Variants in SH2D3C observed in about 807,000 individuals in gnomAD.
The protein encoded by SH2D3C is SH2 domain-containing protein 3C.
In SH2D3C, 25 loss-of-function variants were observed where a neutral mutation model predicts 75.2. That is an observed-to-expected ratio of 0.33 (90% CI 0.24 to 0.46). The LOEUF (loss-of-function observed/expected upper bound fraction) is 0.46, where lower values mean the gene tolerates loss of function less well. Among genes scored for constraint, SH2D3C ranks in the 20% least tolerant of loss-of-function variants. The pLI is 1.00. For missense variants in SH2D3C, 933 were observed against 1,165.3 expected, an observed-to-expected ratio of 0.80 and a Z score of 2.90; for synonymous variants, 450 against 473.7, an observed-to-expected ratio of 0.95 and a Z score of 0.65.
Position 127,741,935 on chromosome 9 carries a change from C to A in SH2D3C, c.1941G>T (p.Leu647=), listed in dbSNP as rs1244078713. ...LERFHTMSIM[L]AVDILGCTGS... is the part of the protein sequence containing the mutation. ...CGGTGCAGCCCAGGATGTCCACGGC[C>A]AGCATGATGGACATGGTGTGGAACC... Residue 647 remains leucine (L), a synonymous_variant, in exon 9 of 12, where the codon CTG becomes CTT. Coordinates refer to ENST00000314830, the MANE Select transcript of SH2D3C (RefSeq NM_170600.3). 6.2e-7 allele frequency: 1 copy of A among 1,612,646 alleles called. No homozygotes were observed. The highest frequency in any genetic ancestry group is 2.2e-5 in the East Asian group (1 of 44,872).
intron 6 of SH2D3C, among the ~76,000 whole-genome samples, chr9:127,746,555 C>T (rs1170150734): frequency 6.6e-6 from 1 of 152,202 alleles, no homozygotes; most frequent in Non-Finnish European, 1.5e-5. Context: ...GTAATCCCAG[C>T]ACTTTGGGAG....
rs1379354507 is a variant in SH2D3C, at chr9:127,751,599, G to A, written c.556-299C>T. Among the ~76,000 whole-genome samples, 1 of 152,248 alleles carries A rather than the reference G, an allele frequency of 6.6e-6. No individual in the cohort carries two copies. Among genetic ancestry groups the A allele is most frequent in the Non-Finnish European group, 1.5e-5 (1 of 68,050 alleles). ...AGTCTGAGGAGAGGCAAAAGCAACAGGAGCCTCTGAGTAGAGTGCGGTCAG... is the reference window on the plus strand; with the variant it reads ...AGTCTGAGGAGAGGCAAAAGCAACAAGAGCCTCTGAGTAGAGTGCGGTCAG... On this transcript the variant is annotated intron_variant, in intron 3 of 11. Transcript: ENST00000314830. The surrounding 1 kb of genome is among the most constrained non-coding windows in gnomAD (Gnocchi z 4.1).
At chr9:127,778,042 C>T (rs1202554571) in intron 1 of SH2D3C, among the ~76,000 whole-genome samples, 2 of 151,906 alleles carry the variant, frequency 1.3e-5, no homozygotes, top group Non-Finnish European at 2.9e-5. Context: ...GACTGGAGTG[C>T]AGTGGTGCAA....
At chr9:127,741,996 G>T (rs1325101872) in intron 8 of SH2D3C, 37 bp from the exon 9 acceptor site, 3 of 1,568,680 alleles carry the variant, frequency 1.9e-6, no homozygotes, top group East Asian at 4.6e-5. Context: ...GCGGGCTCGG[G>T]GACAGGGGTG....
Position 127,773,981 on chromosome 9 carries a change from G to T in SH2D3C, c.515+9C>A. 1 of 1,563,096 alleles carries T rather than the reference G, an allele frequency of 6.4e-7. No individual in the cohort carries two copies. The highest frequency in any genetic ancestry group is 8.8e-7 in the Non-Finnish European group (1 of 1,137,648). On this transcript the variant is annotated intron_variant, in intron 2 of 11. Coordinates refer to ENST00000314830, the MANE Select transcript of SH2D3C (RefSeq NM_170600.3). The stretch of plus-strand genomic sequence containing the variant: ...CCCTGCAGGTCCCAACCAGCCCCTG[G>T]GCACCTACCTTTCTGAGTGCACGTC...
intron 3 of SH2D3C, among the ~76,000 whole-genome samples, chr9:127,761,093 G>A (rs1714990874): frequency 6.6e-6 from 1 of 152,110 alleles, no homozygotes; most frequent in Non-Finnish European, 1.5e-5. Flanking sequence ...CACCCGCCTT[G>A]GCATCCCAAA....
intron 9 of SH2D3C, among the ~76,000 whole-genome samples, chr9:127,740,806 G>A (rs538934334): frequency 2.6e-5 from 4 of 152,210 alleles, no homozygotes; most frequent in East Asian, 1.9e-4. Context: ...TCAGCCTGCC[G>A]AGTAGCTGAG....
chr9:127,774,154 C>T lies in SH2D3C; in HGVS notation c.351G>A (p.Leu117=). The T allele has an allele frequency of 1.2e-6, 2 of 1,614,128 alleles. No individual in the cohort carries two copies. The highest frequency in any genetic ancestry group is 1.7e-6 in the Non-Finnish European group (2 of 1,180,010). The change falls in exon 2 of 12, where the codon TTG becomes TTA. Residue 117 remains leucine (L), a synonymous_variant. Transcript: ENST00000314830. This position sits in a 1 kb window ranked among gnomAD's most constrained non-coding sequence, Gnocchi z 4.3. Reference sequence around the variant, plus strand: ...TCACCATCACCTCTTTGGCTGCCTCCAAGCCTGGGGGGTCGGGTACACCTC... The same window carrying T: ...TCACCATCACCTCTTTGGCTGCCTCTAAGCCTGGGGGGTCGGGTACACCTC... ...VPGGVPDPPG[L]EAAKEVMVKA...
At chr9:127,775,493 G>A (rs529707723) in intron 1 of SH2D3C, among the ~76,000 whole-genome samples, 1 of 152,210 alleles carries the variant, frequency 6.6e-6, no homozygotes, top group South Asian at 2.1e-4. Flanking sequence ...AGCTGGGCAT[G>A]GTGCATGCCT....
intron 3 of SH2D3C, chr9:127,755,424 C>A (rs1845353220): frequency 7.5e-6 from 2 of 267,054 alleles, no homozygotes; most frequent in East Asian, 1.3e-4. Flanking sequence ...GTTCCGCGCG[C>A]TCGGGCTGCC....
At chr9:127,770,728 T>C (rs549376774) in intron 2 of SH2D3C, among the ~76,000 whole-genome samples, 29 of 152,350 alleles carry the variant, frequency 1.9e-4, no homozygotes, top group African/African-American at 7.0e-4. Context: ...CCAGAGGCAC[T>C]GTTAGGCCCA....
chr9:127,774,240 G>C lies in SH2D3C; in HGVS notation c.265C>G (p.Gln89Glu). ...TMPRPSIKKA[Q>E]NSQAARQAQE... is the part of the protein sequence containing the mutation. ...GCCTGCCGGGCAGCCTGTGAGTTCT[G>C]TGCTTTCTTGATGCTGGGGCGAGGC... Residue 89 changes from glutamine (Q) to glutamate (E), a missense_variant, in exon 2 of 12, where the codon CAG becomes GAG. Gln to Glu is a conservative substitution (Grantham distance 29). Transcript: ENST00000314830. The surrounding 1 kb of genome is among the most constrained non-coding windows in gnomAD (Gnocchi z 4.3). 1 of 1,614,090 alleles carries C rather than the reference G, an allele frequency of 6.2e-7. No homozygotes were observed. Among genetic ancestry groups the C allele is most frequent in the Non-Finnish European group, 8.5e-7 (1 of 1,180,010 alleles).
chr9:127,738,573 G>T lies in SH2D3C; in HGVS notation c.*173C>A. On this transcript the variant is annotated 3_prime_UTR_variant, in exon 12 of 12. Transcript: ENST00000314830. This position sits in a 1 kb window ranked among gnomAD's most constrained non-coding sequence, Gnocchi z 5.0. ...TGGAGACCTGGTGAGCATGTAGCAGGTGGGATGGAACCCAGAGTCCACGCA... is the reference window on the plus strand; with the variant it reads ...TGGAGACCTGGTGAGCATGTAGCAGTTGGGATGGAACCCAGAGTCCACGCA... 1 of 555,662 alleles carries T rather than the reference G, an allele frequency of 1.8e-6. No homozygotes were observed. The highest frequency in any genetic ancestry group is 3.0e-5 in the South Asian group (1 of 33,224). The allele number at this position is 555,662 out of a possible 1,614,324, so 34.4% of individuals were successfully genotyped here.
intron 3 of SH2D3C, chr9:127,755,044 C>G: frequency 3.7e-6 from 4 of 1,076,184 alleles, no homozygotes; most frequent in Non-Finnish European, 4.6e-6. Context: ...GGTCCCAGCC[C>G]GGCGCGCGTG....
In SH2D3C at chr9:127,774,058, G is replaced by A. The variant is rs761024516; in HGVS notation, c.447C>T (p.Ile149=). ...CTCCTGTGGGGACCTCAGGCTTTCT[G>A]ATGGGGTCTACCTCCACTGCTGAAG... ...PNPSAVEVDP[I]RKPEVPTGDV... is the part of the protein sequence containing the mutation. Residue 149 remains isoleucine, a synonymous_variant, in exon 2 of 12, where the codon ATC becomes ATT. Transcript: ENST00000314830. This position sits in a 1 kb window ranked among gnomAD's most constrained non-coding sequence, Gnocchi z 4.3. 4.3e-6 allele frequency: 7 copies of A among 1,614,188 alleles called. No individual in the cohort carries two copies. The South Asian group carries it at 7.7e-5, about 18-fold the overall frequency.
chr9:127,742,799 G>C (rs748742691), intron 8 of SH2D3C, 50 bp downstream of exon 8: 4 of 1,434,104 alleles, frequency 2.8e-6, no homozygotes, highest in Non-Finnish European at 3.8e-6. Flanking sequence ...AGCGGGGAGT[G>C]CGGTAGCCGG....
chr9:127,740,491 A>G, intron 9 of SH2D3C, 122 bp from the exon 10 acceptor site: 1 of 650,568 alleles, frequency 1.5e-6, no homozygotes, highest in Non-Finnish European at 2.7e-6. Flanking sequence ...TCCTTCATGT[A>G]CCAGGGACAG....
At chr9:127,741,707 TCCATATACAG>T in intron 9 of SH2D3C, 71 bp downstream of exon 9, 1 of 1,485,916 alleles carries the variant, frequency 6.7e-7, no homozygotes, top group Non-Finnish European at 9.0e-7. Flanking sequence ...TCCTCCTGAT[TCCATATACAG>T]CCATCCCAAA....
rs1055080642 is a variant in SH2D3C, at chr9:127,751,579, G to A, written c.556-279C>T. ...CGGCCCTCAAGGCAGTGCCTAGTCT[G>A]AGGAGAGGCAAAAGCAACAGGAGCC... On this transcript the variant is annotated intron_variant, in intron 3 of 11. Coordinates refer to ENST00000314830, the MANE Select transcript of SH2D3C (RefSeq NM_170600.3). This position sits in a 1 kb window ranked among gnomAD's most constrained non-coding sequence, Gnocchi z 4.1. Among the ~76,000 whole-genome samples, 1 of 152,252 alleles carries A rather than the reference G, an allele frequency of 6.6e-6. No individual in the cohort carries two copies. Among genetic ancestry groups the A allele is most frequent in the Non-Finnish European group, 1.5e-5 (1 of 68,048 alleles).
Sources: gnomAD v4.1 joint callset for allele counts (sites outside exome capture counted in the v4.1 genomes callset) on GRCh38, gnomAD v4.1.1 for gene constraint, Gnocchi (gnomAD v3.1) non-coding constraint, MANE v1.5 for transcripts, NCBI Gene and HGNC (gene_info 2026-07-23, HGNC 2026-07-21) for gene names.